Variants in RNF220 observed in about 807,000 individuals in gnomAD.
The protein encoded by RNF220 is ring finger protein 220.
Under a neutral mutation model 67.1 loss-of-function variants are expected in RNF220, and 7 were observed. The ratio of observed to expected loss-of-function variants is 0.10; its 90% CI spans 0.06 to 0.20. The LOEUF is 0.20. Among genes scored for constraint, RNF220 ranks in the 10% least tolerant of loss-of-function variants. RNF220 has a pLI of 1.00. For missense variants in RNF220, 565 were observed against 740.3 expected, an observed-to-expected ratio of 0.76 and a Z score of 2.75; for synonymous variants, 270 against 283.2, an observed-to-expected ratio of 0.95 and a Z score of 0.47.
intron 2 of RNF220, among the ~76,000 whole-genome samples, chr1:44,607,487 CTTTTTT>C (rs10550619): frequency 8.4e-6 from 1 of 118,772 alleles, no homozygotes; most frequent in African/African-American, 3.0e-5. Flanking sequence ...GTGCTGTTTT[CTTTTTT>C]TTTTTTTTTT....
At chr1:44,494,598 G>GA (rs112316766) in intron 2 of RNF220, among the ~76,000 whole-genome samples, 6,646 of 142,588 alleles carry the variant, frequency 0.047, 474 homozygotes, top group African/African-American at 0.16. Flanking sequence ...TTGTTAAAAA[G>GA]AAAAAAAAAA....
intron 2 of RNF220, among the ~76,000 whole-genome samples, chr1:44,501,293 A>T (rs1009744603): frequency 1.3e-5 from 2 of 151,622 alleles, no homozygotes; most frequent in African/African-American, 4.9e-5. Flanking sequence ...GAGGCCCTGG[A>T]AAGTTTTTGA....
chr1:44,521,292 C>T (rs776699490), intron 2 of RNF220, among the ~76,000 whole-genome samples: 4 of 152,204 alleles, frequency 2.6e-5, no homozygotes, highest in East Asian at 3.8e-4. Context: ...CAAACATCTC[C>T]GGACTATCAA....
In RNF220 at chr1:44,650,980, T is replaced by G; in HGVS notation, c.*205T>G. ...AGGCTGTGGCCCAGGCACTACCTGC[T>G]GGCTCCCACCTATGGTTTGGGGGCC... On this transcript the variant is annotated 3_prime_UTR_variant, in exon 15 of 15. Coordinates refer to ENST00000361799, the MANE Select transcript of RNF220 (RefSeq NM_018150.4). The surrounding 1 kb of genome is among the most constrained non-coding windows in gnomAD (Gnocchi z 4.3). 3.6e-6 allele frequency: 2 copies of G among 548,520 alleles called. No individual in the cohort carries two copies. Among genetic ancestry groups the G allele is most frequent in the East Asian group, 6.8e-5 (2 of 29,424 alleles). The allele number at this position is 548,520 out of a possible 1,614,324, so 34.0% of individuals were successfully genotyped here.
At chr1:44,458,863 T>G (rs1020636527) in intron 2 of RNF220, among the ~76,000 whole-genome samples, 1 of 152,258 alleles carries the variant, frequency 6.6e-6, no homozygotes, top group African/African-American at 2.4e-5. Flanking sequence ...CAGAGCACTG[T>G]GTCCATTAAC....
intron 2 of RNF220, among the ~76,000 whole-genome samples, chr1:44,468,303 A>G (rs900864012): frequency 5.3e-5 from 8 of 152,050 alleles, no homozygotes; most frequent in Admixed American, 1.3e-4. Flanking sequence ...AATTGGTTCA[A>G]CCTCTATGGA....
At chr1:44,546,659 T>C (rs777169601) in intron 2 of RNF220, among the ~76,000 whole-genome samples, 12 of 152,140 alleles carry the variant, frequency 7.9e-5, no homozygotes, top group South Asian at 2.1e-4. Flanking sequence ...GAGTGCTTGC[T>C]TCAGAGTCAT....
rs1294998437 is a variant in RNF220 at position 44,488,037 on chromosome 1, A to G, written c.625+75315A>G. Among the ~76,000 whole-genome samples, 3 of 149,150 alleles carry G rather than the reference A, an allele frequency of 2.0e-5. No homozygotes were observed. The East Asian group carries it at 6.0e-4, about 30-fold the overall frequency. On this transcript the variant is annotated intron_variant, in intron 2 of 14. Coordinates refer to ENST00000361799, the MANE Select transcript of RNF220 (RefSeq NM_018150.4). Reference sequence around the variant, plus strand: ...CAGGCTGGAGTGCAGTGGCATGATCACAGCCCACTGCAGCCTCGACCTCCC... The same window carrying G: ...CAGGCTGGAGTGCAGTGGCATGATCGCAGCCCACTGCAGCCTCGACCTCCC...
At chr1:44,429,628 G>C (rs1297544409) in intron 2 of RNF220, among the ~76,000 whole-genome samples, 6 of 152,188 alleles carry the variant, frequency 3.9e-5, no homozygotes, top group African/African-American at 1.4e-4. Context: ...GAGCTGAAAA[G>C]AAGGAGGGAA....
rs1403312552 is a variant in RNF220, at chr1:44,622,392, CAG to C, written c.759-349_759-348del. On this transcript the variant is annotated intron_variant, in intron 3 of 14. Transcript: ENST00000361799. The surrounding 1 kb of genome is among the most constrained non-coding windows in gnomAD (Gnocchi z 4.3). ...ACAGGAGCTAAGAGCGGGCTGGGAA[CAG>C]GGGGTGGAGAGAAGGGGGTCTCCAG... Among the ~76,000 whole-genome samples, 2 of 152,216 alleles carry C rather than the reference CAG, an allele frequency of 1.3e-5. No individual in the cohort carries two copies. The highest frequency in any genetic ancestry group is 2.9e-5 in the Non-Finnish European group (2 of 68,030).
At chr1:44,594,567 G>A (rs1666343548) in intron 2 of RNF220, among the ~76,000 whole-genome samples, 1 of 152,224 alleles carries the variant, frequency 6.6e-6, no homozygotes. Flanking sequence ...CCCTTGCTGA[G>A]TTCTGTAAGA....
intron 2 of RNF220, among the ~76,000 whole-genome samples, chr1:44,532,404 T>C (rs272561): frequency 0.28 from 41,984 of 152,182 alleles, 6,410 homozygotes; most frequent in East Asian, 0.46. Context: ...TCCTTACTTC[T>C]ACTATTTATT....
chr1:44,493,820 G>GT (rs1324511851), intron 2 of RNF220, among the ~76,000 whole-genome samples: 10 of 151,746 alleles, frequency 6.6e-5, no homozygotes, highest in Non-Finnish European at 1.0e-4. Flanking sequence ...TCAAAAAAAA[G>GT]TAAAAACTCA....
At chr1:44,634,300 C>A (rs1020566820) in intron 6 of RNF220, among the ~76,000 whole-genome samples, 1 of 152,220 alleles carries the variant, frequency 6.6e-6, no homozygotes, top group Non-Finnish European at 1.5e-5. Context: ...TACTTGGACA[C>A]GTACCTTGAT....
At chr1:44,510,667 G>A (rs984616002) in intron 2 of RNF220, among the ~76,000 whole-genome samples, 2 of 152,068 alleles carry the variant, frequency 1.3e-5, no homozygotes, top group Admixed American at 6.6e-5. Flanking sequence ...CTGTCCTTCC[G>A]GGATGTAACG....
intron 2 of RNF220, among the ~76,000 whole-genome samples, chr1:44,431,500 C>CAA (rs34244024): frequency 3.0e-4 from 27 of 90,426 alleles, no homozygotes; most frequent in East Asian, 7.2e-4. Flanking sequence ...GACTTCATCT[C>CAA]AAAAAAAAAA....
At chr1:44,632,440 C>A in intron 6 of RNF220, 55 bp downstream of exon 6, 1 of 1,488,736 alleles carries the variant, frequency 6.7e-7, no homozygotes, top group Non-Finnish European at 9.1e-7. Context: ...TCCCTCCCTC[C>A]CTCACTGCCT....
chr1:44,489,895 T>C (rs1298676731), intron 2 of RNF220, among the ~76,000 whole-genome samples: 1 of 152,246 alleles, frequency 6.6e-6, no homozygotes, highest in African/African-American at 2.4e-5. Context: ...AAGCTGTTTC[T>C]ACCACCTGGG....
chr1:44,425,816 C>T (rs12022308), intron 2 of RNF220, among the ~76,000 whole-genome samples: 26,404 of 152,214 alleles, frequency 0.17, 2,842 homozygotes, highest in Admixed American at 0.25. Flanking sequence ...TGCAAGATGT[C>T]TATCTACGTC....
Sources: allele counts gnomAD v4.1 joint callset (sites outside exome capture counted in the v4.1 genomes callset), GRCh38; gene constraint gnomAD v4.1.1; non-coding constraint Gnocchi (gnomAD v3.1); transcripts MANE v1.5; gene names NCBI Gene and HGNC (gene_info 2026-07-23, HGNC 2026-07-21).